The following GPM6B variants were observed in gnomAD, a reference collection of about 807,000 sequenced individuals.
The protein encoded by GPM6B is glycoprotein M6B, also known as neuronal membrane glycoprotein M6-b.
A neutral mutation model predicts 27.2 loss-of-function variants in GPM6B; 4 were observed. The ratio of observed to expected loss-of-function variants is 0.15; its 90% CI spans 0.07 to 0.34. GPM6B has a LOEUF of 0.34. Ranked by LOEUF, GPM6B falls within the 10% of genes least tolerant of loss-of-function variation. The pLI is 1.00. For synonymous variants in GPM6B, 124 were observed against 103.1 expected, an observed-to-expected ratio of 1.20 and a Z score of -1.23; for missense variants, 183 against 261.9, an observed-to-expected ratio of 0.70 and a Z score of 2.08.
Position 13,913,085 on chromosome X carries a change from G to GTTCTTGA in GPM6B, c.-198+25241_-198+25242insTCAAGAA, listed in dbSNP as rs1481105050. Among the ~76,000 whole-genome samples, 156 of 111,937 alleles carry GTTCTTGA rather than the reference G, an allele frequency of 1.4e-3. 1 individual carries two copies. Among genetic ancestry groups the GTTCTTGA allele is most frequent in the African/African-American group, 4.6e-3 (143 of 30,867 alleles). ...ATAATTAGAACATAGGAAGATATTAGATATTACCTTGAATAAACAGTTCAA... is the reference window on the plus strand; with the variant it reads ...ATAATTAGAACATAGGAAGATATTAGTTCTTGAATATTACCTTGAATAAACAGTTCAA... On this transcript the variant is annotated intron_variant, in intron 1 of 6. Coordinates refer to the GPM6B transcript ENST00000398361.
intron 1 of GPM6B, among the ~76,000 whole-genome samples, chrX:13,874,115 A>C (rs769162190): frequency 1.8e-5 from 2 of 112,171 alleles, no homozygotes; most frequent in South Asian, 3.7e-4. Context: ...GAGATTAAGA[A>C]AGACATTAGG....
chrX:13,776,598 G>A (rs758422674), intron 6 of GPM6B, among the ~76,000 whole-genome samples: 1 of 111,919 alleles, frequency 8.9e-6, no homozygotes, highest in Non-Finnish European at 1.9e-5. Context: ...GCCACGGTGG[G>A]GAGCCCTGCT....
intron 1 of GPM6B, among the ~76,000 whole-genome samples, chrX:13,850,797 C>G (rs752593607): frequency 8.9e-6 from 1 of 111,986 alleles, no homozygotes; most frequent in African/African-American, 3.2e-5. Flanking sequence ...TTATTGGTAT[C>G]GTTATTTAAA....
At chrX:13,866,132 G>C (rs1261340607) in intron 1 of GPM6B, among the ~76,000 whole-genome samples, 2 of 112,068 alleles carry the variant, frequency 1.8e-5, no homozygotes, top group African/African-American at 6.5e-5. Context: ...GAGAGGCTGA[G>C]GCTGGCGGAT....
At chrX:13,813,853 C>T (rs1332903240) in intron 1 of GPM6B, among the ~76,000 whole-genome samples, 1 of 112,259 alleles carries the variant, frequency 8.9e-6, no homozygotes, top group African/African-American at 3.2e-5. Flanking sequence ...AATTTAAAAA[C>T]TATCATTTGT....
At chrX:13,938,072 CGGCGGGGCGG>C (rs1482016326) in intron 1 of GPM6B, among the ~76,000 whole-genome samples, 1 of 109,816 alleles carries the variant, frequency 9.1e-6, no homozygotes, top group Admixed American at 9.6e-5. Flanking sequence ...AACAGAAGCA[CGGCGGGGCGG>C]GGCGGGGCAG....
intron 1 of GPM6B, among the ~76,000 whole-genome samples, chrX:13,813,812 G>A (rs138772225): frequency 0.013 from 1,509 of 111,858 alleles, 14 homozygotes; most frequent in Middle Eastern, 0.037. Context: ...CAGTGAATCT[G>A]CTTACTCAAT....
intron 1 of GPM6B, among the ~76,000 whole-genome samples, chrX:13,813,314 A>G (rs1473626049): frequency 9.0e-6 from 1 of 111,654 alleles, no homozygotes; most frequent in Non-Finnish European, 1.9e-5. Flanking sequence ...GATCAAAAAG[A>G]TTAAAATAGA....
intron 2 of GPM6B, among the ~76,000 whole-genome samples, chrX:13,802,273 A>C (rs2048934188): frequency 9.1e-6 from 1 of 109,300 alleles, no homozygotes; most frequent in African/African-American, 3.3e-5. Flanking sequence ...GTGTCCCTAC[A>C]ATCAGACATG....
At position 13,779,849 on chromosome X, in the gene GPM6B, C is replaced by T; in HGVS notation, c.666G>A (p.Val222=). The T allele has an allele frequency of 8.4e-7, 1 of 1,191,517 alleles. No homozygotes were observed. Among genetic ancestry groups the T allele is most frequent in the Non-Finnish European group, 1.1e-6 (1 of 880,365 alleles). ...KSPQTNGTTG[V]EQICVDIRQY... is the part of the protein sequence containing the mutation. ...GTCGGATATCCACACAGATCTGCTCCACACCCGTGGTCCCGTTGGTCTGCG... is the reference window on the plus strand; with the variant it reads ...GTCGGATATCCACACAGATCTGCTCTACACCCGTGGTCCCGTTGGTCTGCG... Residue 222 remains valine (V), a synonymous_variant, in exon 5 of 8, where the codon GTG becomes GTA. Coordinates refer to ENST00000316715, the MANE Select transcript of GPM6B (RefSeq NM_001001995.3).
intron 1 of GPM6B, among the ~76,000 whole-genome samples, chrX:13,922,600 T>C (rs1490800542): frequency 1.8e-5 from 2 of 112,115 alleles, no homozygotes; most frequent in Non-Finnish European, 3.8e-5. Context: ...CACAGCTACT[T>C]CACATATGAG....
chrX:13,851,439 G>A (rs1228315658), intron 1 of GPM6B, among the ~76,000 whole-genome samples: 1 of 111,008 alleles, frequency 9.0e-6, no homozygotes, highest in East Asian at 2.8e-4. Context: ...CACCTTACAC[G>A]CTGCCTGACA....
chrX:13,817,234 G>C (rs2049254546), upstream of GPM6B: 10 of 842,830 alleles, frequency 1.2e-5, no homozygotes, highest in Non-Finnish European at 1.4e-5. Flanking sequence ...GTAGGGGGGT[G>C]GGGGAGAAGG....
chrX:13,896,569 C>CT (rs1569292545), intron 1 of GPM6B, among the ~76,000 whole-genome samples: 4 of 110,516 alleles, frequency 3.6e-5, no homozygotes, highest in Admixed American at 1.9e-4. Context: ...CAATTTCTCT[C>CT]TTTTTTTTCA....
At chrX:13,904,602 G>A (rs2050311359) in intron 1 of GPM6B, among the ~76,000 whole-genome samples, 1 of 111,211 alleles carries the variant, frequency 9.0e-6, no homozygotes, top group African/African-American at 3.3e-5. Flanking sequence ...ATCTAGTGCT[G>A]CTTTTGTACT....
intron 1 of GPM6B, among the ~76,000 whole-genome samples, chrX:13,864,450 CA>C (rs1272296544): frequency 8.9e-6 from 1 of 112,652 alleles, no homozygotes; most frequent in East Asian, 2.8e-4. Flanking sequence ...ACTTGCACAT[CA>C]GGTGGTGGAG....
intron 1 of GPM6B, among the ~76,000 whole-genome samples, chrX:13,850,628 T>C (rs2049704384): frequency 8.9e-6 from 1 of 111,926 alleles, no homozygotes; most frequent in Non-Finnish European, 1.9e-5. Flanking sequence ...TGGACCTTGG[T>C]TGAACCATAC....
At chrX:13,904,648 A>G (rs1289748569) in intron 1 of GPM6B, among the ~76,000 whole-genome samples, 3 of 111,152 alleles carry the variant, frequency 2.7e-5, no homozygotes, top group African/African-American at 9.8e-5. Context: ...GATATTCACT[A>G]TCTGGCTCTT....
chrX:13,916,663 ATGTGTGTGTGTGTGTGTGTGTG>A lies in GPM6B; in HGVS notation c.-198+21642_-198+21663del, dbSNP rs55844856. 8.8e-4 allele frequency among the ~76,000 whole-genome samples: 79 copies of A among 90,185 alleles called. 1 individual carries two copies. The highest frequency in any genetic ancestry group is 2.9e-3 in the African/African-American group (71 of 24,541). 78.3% of individuals were successfully genotyped at this position (90,185 alleles called of 115,157 possible). ...GAAAAGAACATGTATTAGTTTATTA[ATGTGTGTGTGTGTGTGTGTGTG>A]TGTGTGTGTGTGTGTGTGTAAGGAG... is the stretch of plus-strand genomic sequence containing the variant. On this transcript the variant is annotated intron_variant, in intron 1 of 6. Coordinates refer to the GPM6B transcript ENST00000398361.
Sources: gnomAD v4.1 joint callset for allele counts (sites outside exome capture counted in the v4.1 genomes callset) on GRCh38, gnomAD v4.1.1 for gene constraint, MANE v1.5 for transcripts, NCBI Gene and HGNC (gene_info 2026-07-23, HGNC 2026-07-21) for gene names.